Variants in VWA3A observed in about 807,000 individuals in gnomAD.
VWA3A encodes the protein von Willebrand factor A domain-containing protein 3A.
In VWA3A, 134 loss-of-function variants were observed where a neutral mutation model predicts 160.4. That is an observed-to-expected ratio of 0.84 (90% confidence interval 0.73 to 0.96). VWA3A has a LOEUF of 0.96. Ranked by LOEUF, VWA3A falls within the 40% of genes least tolerant of loss-of-function variation. VWA3A has a pLI of 0.00. For synonymous variants in VWA3A, 476 were observed against 543.4 expected (o/e 0.88, Z 1.72); for missense variants, 1,310 against 1,447.9 (o/e 0.90, Z 1.55).
intron 25 of VWA3A, 35 bp downstream of exon 25, chr16:22,142,800 A>G (rs1037808676): frequency 6.2e-6 from 9 of 1,462,542 alleles, no homozygotes; most frequent in African/African-American, 5.6e-5. Flanking sequence ...ATGCCCATTA[A>G]GCAATAGAGT....
chr16:22,125,738 T>C (rs922620299), intron 16 of VWA3A, among the ~76,000 whole-genome samples: 12 of 152,154 alleles, frequency 7.9e-5, no homozygotes, highest in African/African-American at 2.7e-4. Flanking sequence ...TATTTGTTCT[T>C]GAAGCAACCT....
At chr16:22,102,826 C>A (rs1451167583) in intron 5 of VWA3A, among the ~76,000 whole-genome samples, 2 of 152,108 alleles carry the variant, frequency 1.3e-5, no homozygotes, top group African/African-American at 4.8e-5. Context: ...CCTCCACAGA[C>A]CTGCCCTCAC....
In VWA3A at chr16:22,155,290, G is replaced by A. The variant is rs887607384; in HGVS notation, c.3406-277G>A. Among the ~76,000 whole-genome samples the A allele has an allele frequency of 2.0e-5, 3 of 152,008 alleles. No individual in the cohort carries two copies. The East Asian group carries it at 5.8e-4, about 29-fold the overall frequency. On this transcript the variant is annotated intron_variant, in intron 31 of 33. Transcript: ENST00000389398. ...TTCTGTTCCACTGGACCAGAGTGGG[G>A]CCACTTTCACTCAGATTCTGACACC... is the stretch of plus-strand genomic sequence containing the variant.
chr16:22,131,037 A>T (rs2141956179), intron 17 of VWA3A, among the ~76,000 whole-genome samples, 168 bp from the exon 18 acceptor site: 2 of 152,312 alleles, frequency 1.3e-5, no homozygotes, highest in South Asian at 4.1e-4. Context: ...ATGTTGGGAC[A>T]TATGACCCAC....
At chr16:22,154,430 GTGATT>G in intron 31 of VWA3A, among the ~76,000 whole-genome samples, 1 of 141,898 alleles carries the variant, frequency 7.0e-6, no homozygotes, top group Non-Finnish European at 1.5e-5. Flanking sequence ...CTGGGTTCAA[GTGATT>G]CTCATGTCTC....
At chr16:22,123,388 G>T in intron 15 of VWA3A, 2 of 1,449,422 alleles carry the variant, frequency 1.4e-6, no homozygotes, top group Non-Finnish European at 1.9e-6. Flanking sequence ...TCTGGGGAAA[G>T]ATCTGCTTCC....
At chr16:22,116,621 C>T (rs2045653038) in intron 9 of VWA3A, 138 bp from the exon 10 acceptor site, 1 of 695,322 alleles carries the variant, frequency 1.4e-6, no homozygotes, top group Non-Finnish European at 2.5e-6. Context: ...CCTAGCCCTG[C>T]ATGCCACATA....
intron 30 of VWA3A, 39 bp downstream of exon 30, chr16:22,150,885 C>T: frequency 6.3e-7 from 1 of 1,585,776 alleles, no homozygotes; most frequent in Non-Finnish European, 8.6e-7. Context: ...TATTCTTTTT[C>T]CACAGCCACA....
In VWA3A at chr16:22,096,963, ATTTTT is replaced by A. The variant is rs397754746; in HGVS notation, c.101+34_101+38del. ...AACCATTGGTAAGCATAGTTCTCTG[ATTTTT>A]TTTTTTTTTTTTTTTGAGGCAGATT... On this transcript the variant is annotated intron_variant, in intron 2 of 33. Coordinates refer to ENST00000389398, the MANE Select transcript of VWA3A (RefSeq NM_173615.5). 451 of 1,077,784 alleles carry A rather than the reference ATTTTT, an allele frequency of 4.2e-4. No individual in the cohort carries two copies. Among genetic ancestry groups the A allele is most frequent in the East Asian group, 1.3e-3 (47 of 34,902 alleles). The allele number at this position is 1,077,784 out of a possible 1,614,324, so 66.8% of individuals were successfully genotyped here.
At chr16:22,100,344 C>G (rs2045389329) in intron 4 of VWA3A, 26 bp downstream of exon 4, 2 of 1,551,430 alleles carry the variant, frequency 1.3e-6, no homozygotes, top group Non-Finnish European at 1.7e-6. Flanking sequence ...TTCCCCGCAC[C>G]CCCCACAGCT....
rs1241979952 is a variant in VWA3A at position 22,138,340 on chromosome 16, C to G, written c.2140-20C>G. 1 of 1,568,614 alleles carries G rather than the reference C, an allele frequency of 6.4e-7. No individual in the cohort carries two copies. Among genetic ancestry groups the G allele is most frequent in the East Asian group, 2.4e-5 (1 of 42,244 alleles). On this transcript the variant is annotated intron_variant, in intron 21 of 33. Coordinates refer to ENST00000389398, the MANE Select transcript of VWA3A (RefSeq NM_173615.5). ...CCACAGTGGCTGGGGGTGCCACTGA[C>G]CCTCCCAATCCCACTGCAGTGTGCC...
rs988663775 is a variant in VWA3A, at chr16:22,142,949, G to C, written c.2592+184G>C. Among the ~76,000 whole-genome samples the C allele has an allele frequency of 7.9e-5, 12 of 152,104 alleles. No homozygotes were observed. In the East Asian group the frequency reaches 2.3e-3, roughly 29 times the overall value. On this transcript the variant is annotated intron_variant, in intron 25 of 33. Transcript: ENST00000389398. ...GTGGATCACTTGAGGTCAGGAGTTC[G>C]AGACCACCTGGCCAACATGGTGAAA...
chr16:22,131,403 G>A (rs960854440), intron 18 of VWA3A, 124 bp downstream of exon 18: 77 of 1,425,834 alleles, frequency 5.4e-5, no homozygotes, highest in Middle Eastern at 2.2e-4. Context: ...ACAGCCATGG[G>A]CAGAAATCAG....
In VWA3A at chr16:22,147,581, C is replaced by T. The variant is rs994201632; in HGVS notation, c.2840-581C>T. On this transcript the variant is annotated intron_variant, in intron 27 of 33. Transcript: ENST00000389398. ...GTGTAAATTCATTAGGTCCAGTCCTCTGCAGTAGGACCTGGTATAGACAGT... is the reference window on the plus strand; with the variant it reads ...GTGTAAATTCATTAGGTCCAGTCCTTTGCAGTAGGACCTGGTATAGACAGT... 1.1e-5 allele frequency: 8 copies of T among 703,134 alleles called. No individual in the cohort carries two copies. In the Admixed American group the frequency reaches 1.2e-4, roughly 11 times the overall value. 43.6% of individuals were successfully genotyped at this position (703,134 alleles called of 1,614,324 possible).
chr16:22,126,152 C>T lies in VWA3A; in HGVS notation c.1533-26C>T, dbSNP rs767511175. ...ACATTATCTCAGAGATTCGGTTCTC[C>T]TCTTAAAGCTCGTGTTTCCTTTTAG... On this transcript the variant is annotated intron_variant, in intron 16 of 33. Coordinates refer to ENST00000389398, the MANE Select transcript of VWA3A (RefSeq NM_173615.5). The T allele has an allele frequency of 2.5e-6, 4 of 1,612,312 alleles. No homozygotes were observed. In the East Asian group the frequency reaches 6.7e-5, roughly 27 times the overall value.
chr16:22,111,097 C>T, intron 8 of VWA3A, 103 bp downstream of exon 8: 1 of 991,432 alleles, frequency 1.0e-6, no homozygotes, highest in Non-Finnish European at 1.5e-6. Context: ...CAGGACCCTA[C>T]TAGATAAGTG....
intron 11 of VWA3A, among the ~76,000 whole-genome samples, chr16:22,118,611 A>G (rs1040651966): frequency 6.6e-6 from 1 of 152,158 alleles, no homozygotes; most frequent in Non-Finnish European, 1.5e-5. Flanking sequence ...GCGTGAACCC[A>G]GGAGGCGGAG....
intron 11 of VWA3A, 34 bp downstream of exon 11, chr16:22,117,210 T>G (rs1370147141): frequency 6.4e-7 from 1 of 1,559,900 alleles, no homozygotes; most frequent in Non-Finnish European, 8.7e-7. Context: ...GCCCCTCTTC[T>G]TCTCTCCTTG....
intron 24 of VWA3A, 59 bp downstream of exon 24, chr16:22,141,751 G>T: frequency 6.8e-7 from 1 of 1,466,766 alleles, no homozygotes; most frequent in South Asian, 1.2e-5. Flanking sequence ...GAGCTGTAAG[G>T]GCAGCAGGTA....
Sources: allele counts gnomAD v4.1 joint callset (sites outside exome capture counted in the v4.1 genomes callset), GRCh38; gene constraint gnomAD v4.1.1; transcripts MANE v1.5; gene names NCBI Gene and HGNC (gene_info 2026-07-23, HGNC 2026-07-21).